Variants in TBC1D31 observed in about 807,000 individuals in gnomAD.
TBC1D31 encodes the protein WD repeat domain 67.
Under a neutral mutation model 132.9 loss-of-function variants are expected in TBC1D31, and 99 were observed. The observed-to-expected ratio is 0.74, with a 90% CI of 0.63 to 0.88. TBC1D31 has a LOEUF of 0.88. Among genes scored for constraint, TBC1D31 ranks in the 40% least tolerant of loss-of-function variants. The pLI is 0.00. For synonymous variants in TBC1D31, 385 were observed against 419.4 expected (o/e 0.92, Z 1.00); for missense variants, 1,134 against 1,256.6 (o/e 0.90, Z 1.48).
intron 2 of TBC1D31, among the ~76,000 whole-genome samples, chr8:123,078,637 C>A (rs1814794190): frequency 6.6e-6 from 1 of 152,064 alleles, no homozygotes; most frequent in South Asian, 2.1e-4. Context: ...ACAGGATGAG[C>A]CTGTAACATT....
At chr8:123,110,686 T>C (rs1314428133) in intron 10 of TBC1D31, among the ~76,000 whole-genome samples, 1 of 152,110 alleles carries the variant, frequency 6.6e-6, no homozygotes, top group Non-Finnish European at 1.5e-5. Flanking sequence ...GCTAAATATA[T>C]ACATATGTAT....
intron 4 of TBC1D31, among the ~76,000 whole-genome samples, chr8:123,091,057 A>G (rs1394400663): frequency 6.6e-6 from 1 of 152,146 alleles, no homozygotes; most frequent in East Asian, 1.9e-4. Flanking sequence ...TGTGTTCTAC[A>G]AGGAAAAACT....
chr8:123,076,986 G>T (rs1366197225), intron 1 of TBC1D31, 125 bp from the exon 2 acceptor site: 1 of 813,144 alleles, frequency 1.2e-6, no homozygotes, highest in South Asian at 2.2e-5. Flanking sequence ...CTAGAGGAGC[G>T]GGGGTATAGC....
rs759728559 is a variant in TBC1D31 at position 123,128,809 on chromosome 8, GAGGTTGC to G, written c.2118-254_2118-248del. On this transcript the variant is annotated intron_variant, in intron 14 of 21. Coordinates refer to ENST00000287380, the MANE Select transcript of TBC1D31 (RefSeq NM_145647.4). Reference sequence around the variant, plus strand: ...GAGAATCACTTGAACCCAGGAGGAGGAGGTTGCAGTGAGCGGAGATCATGCCATTGCA... The same window carrying G: ...GAGAATCACTTGAACCCAGGAGGAGGAGTGAGCGGAGATCATGCCATTGCA... Among the ~76,000 whole-genome samples the G allele has an allele frequency of 6.6e-5, 10 of 152,148 alleles. No individual in the cohort carries two copies. In the South Asian group the frequency reaches 1.2e-3, roughly 19 times the overall value.
At chr8:123,160,303 C>T in the TBC1D31 span, among the ~76,000 whole-genome samples, 1 of 152,064 alleles carries the variant, frequency 6.6e-6, no homozygotes, top group Non-Finnish European at 1.5e-5. Context: ...TCACTGTATA[C>T]CTTTGAACAG....
intron 12 of TBC1D31, 29 bp downstream of exon 12, chr8:123,126,218 A>G: frequency 1.3e-6 from 2 of 1,588,708 alleles, no homozygotes; most frequent in Non-Finnish European, 1.7e-6. Flanking sequence ...TTAGAATAAC[A>G]TGCCTTATTT....
chr8:123,102,307 A>G (rs552514089), intron 7 of TBC1D31: 18 of 455,906 alleles, frequency 3.9e-5, no homozygotes, highest in Admixed American at 1.2e-4. Context: ...GGGTGTTCCA[A>G]TTCTTCCAAG....
chr8:123,127,245 G>A (rs1245691382), intron 13 of TBC1D31, among the ~76,000 whole-genome samples: 3 of 145,284 alleles, frequency 2.1e-5, no homozygotes, highest in Non-Finnish European at 4.5e-5. Flanking sequence ...ATAATATTGG[G>A]GTTTGTGCTT....
At chr8:123,110,220 A>AT (rs908764794) in intron 10 of TBC1D31, among the ~76,000 whole-genome samples, 8 of 152,032 alleles carry the variant, frequency 5.3e-5, no homozygotes, top group African/African-American at 9.7e-5. Flanking sequence ...CTTAGCCTTA[A>AT]TTTTTTTTAT....
chr8:123,109,770 T>C, intron 10 of TBC1D31, 150 bp downstream of exon 10: 1 of 678,620 alleles, frequency 1.5e-6, no homozygotes, highest in Non-Finnish European at 2.4e-6. Flanking sequence ...CATGCACATA[T>C]ATTACATGTG....
At chr8:123,080,510 T>G (rs1815016289) in intron 2 of TBC1D31, among the ~76,000 whole-genome samples, 1 of 76,128 alleles carries the variant, frequency 1.3e-5, no homozygotes, top group East Asian at 2.4e-4. Context: ...AGAGAGCTTT[T>G]CTTTTCTTTT....
At chr8:123,094,344 G>A (rs1220034269) in intron 5 of TBC1D31, among the ~76,000 whole-genome samples, 17 of 151,912 alleles carry the variant, frequency 1.1e-4, no homozygotes, top group Non-Finnish European at 2.9e-5. Flanking sequence ...TTACAGGCAT[G>A]AGCCACCGTG....
intron 6 of TBC1D31, chr8:123,097,666 A>C: frequency 2.4e-6 from 1 of 418,818 alleles, no homozygotes; most frequent in Non-Finnish European, 4.2e-6. Flanking sequence ...CATACTGTAA[A>C]TTTATATTGT....
intron 1 of TBC1D31, among the ~76,000 whole-genome samples, chr8:123,075,766 A>G (rs1814446250): frequency 6.6e-6 from 1 of 152,170 alleles, no homozygotes; most frequent in African/African-American, 2.4e-5. Context: ...AATTTTCATG[A>G]TTAAAAACTA....
intron 10 of TBC1D31, among the ~76,000 whole-genome samples, chr8:123,117,033 G>A (rs1354015169): frequency 1.3e-5 from 2 of 152,206 alleles, no homozygotes; most frequent in Non-Finnish European, 2.9e-5. Context: ...TTCTAGGAGT[G>A]CCTGGGCACG....
At chr8:123,153,777 A>G (rs1484597261), downstream of TBC1D31, among the ~76,000 whole-genome samples, 1 of 152,248 alleles carries the variant, frequency 6.6e-6, no homozygotes, top group Non-Finnish European at 1.5e-5. Flanking sequence ...GCTACATTCA[A>G]AAAGTTTCTC....
At chr8:123,133,245 T>C (rs747103188) in intron 16 of TBC1D31, among the ~76,000 whole-genome samples, 3 of 152,232 alleles carry the variant, frequency 2.0e-5, no homozygotes, top group Non-Finnish European at 4.4e-5. Flanking sequence ...AGCTCTGTAA[T>C]TGAAATTCCT....
At chr8:123,120,400 G>A (rs538239590) in intron 11 of TBC1D31, among the ~76,000 whole-genome samples, 25 of 152,328 alleles carry the variant, frequency 1.6e-4, no homozygotes, top group African/African-American at 4.8e-4. Context: ...GGCCGGGCAC[G>A]GTGGCTCATG....
chr8:123,088,014 C>A (rs1815948010), intron 4 of TBC1D31, among the ~76,000 whole-genome samples: 1 of 152,120 alleles, frequency 6.6e-6, no homozygotes, highest in Non-Finnish European at 1.5e-5. Flanking sequence ...CATGGTGAAA[C>A]CTCATCTCTA....
Sources: gnomAD v4.1 joint callset for allele counts (sites outside exome capture counted in the v4.1 genomes callset) on GRCh38, gnomAD v4.1.1 for gene constraint, MANE v1.5 for transcripts, NCBI Gene and HGNC (gene_info 2026-07-23, HGNC 2026-07-21) for gene names.